TPO: variants seen among roughly 807,000 people sequenced by gnomAD.
TPO encodes thyroid peroxidase.
A neutral mutation model predicts 96.9 loss-of-function variants in TPO; 78 were observed. The ratio of observed to expected loss-of-function variants is 0.81; its 90% CI spans 0.67 to 0.97. The LOEUF is 0.97. Among genes scored for constraint, TPO ranks in the 50% least tolerant of loss-of-function variants. The pLI, the probability that TPO is intolerant of heterozygous loss-of-function variation, is 0.00. For synonymous variants in TPO, 547 were observed against 538.0 expected (o/e 1.02, Z -0.23); for missense variants, 1,252 against 1,274.8 (o/e 0.98, Z 0.27).
In TPO at chr2:1,413,516, C is replaced by T; in HGVS notation, c.-31C>T. On this transcript the variant is annotated 5_prime_UTR_variant, in exon 1 of 17. Coordinates refer to ENST00000329066, the MANE Select transcript of TPO (RefSeq NM_001206744.2). The stretch of plus-strand genomic sequence containing the variant: ...AGTTACAGCCGTGAAAATTACTCAG[C>T]AGTGCAGTTGGCTGAGAAGAGGAAA... 4.3e-6 allele frequency: 1 copy of T among 234,968 alleles called. No homozygotes were observed. The highest frequency in any genetic ancestry group is 6.9e-6 in the Non-Finnish European group (1 of 143,918). 14.6% of individuals were successfully genotyped at this position (234,968 alleles called of 1,614,324 possible). A position where few individuals can be genotyped will look rare whatever the true frequency, so the allele number is the denominator to read the frequency against.
At chr2:1,433,742 G>C in intron 4 of TPO, 135 bp downstream of exon 4, 1 of 1,010,316 alleles carries the variant, frequency 9.9e-7, no homozygotes. Flanking sequence ...CTCTTTCAAA[G>C]CATACAAGCT....
intron 1 of TPO, among the ~76,000 whole-genome samples, chr2:1,399,488 A>G (rs930728350): frequency 2.6e-5 from 4 of 152,244 alleles, no homozygotes; most frequent in Non-Finnish European, 5.9e-5. Context: ...TAAGAGATCC[A>G]CCATAACTGA....
intron 15 of TPO, among the ~76,000 whole-genome samples, chr2:1,537,811 TCCCCCCACTGTGAGCAACCTCCTCAA>T (rs1680178063): frequency 2.3e-5 from 1 of 43,022 alleles, no homozygotes; most frequent in African/African-American, 1.0e-4. Flanking sequence ...TGTCCCCAAA[TCCCCCCACTGTGAGCAACCTCCTCAA>T]ATCCCCCCAC....
chr2:1,454,110 A>G (rs927064919), intron 6 of TPO, among the ~76,000 whole-genome samples: 1 of 152,190 alleles, frequency 6.6e-6, no homozygotes, highest in Non-Finnish European at 1.5e-5. Flanking sequence ...GTTTTCAGAT[A>G]AATTCCTTTA....
At chr2:1,386,611 A>G (rs532360893) in intron 1 of TPO, among the ~76,000 whole-genome samples, 2 of 152,070 alleles carry the variant, frequency 1.3e-5, no homozygotes, top group African/African-American at 4.8e-5. Flanking sequence ...GTGTCTCTGC[A>G]TGTGAGATGG....
chr2:1,464,183 T>A (rs991482402), intron 7 of TPO, among the ~76,000 whole-genome samples: 1 of 152,248 alleles, frequency 6.6e-6, no homozygotes, highest in Non-Finnish European at 1.5e-5. Context: ...TCACTTAGAA[T>A]AATAGTCTCC....
intron 15 of TPO, among the ~76,000 whole-genome samples, chr2:1,519,873 T>C (rs1675074022): frequency 6.6e-6 from 1 of 152,198 alleles, no homozygotes; most frequent in Non-Finnish European, 1.5e-5. Context: ...AATAGCAATT[T>C]TCTTTAAGAT....
chr2:1,387,046 C>G (rs1442286092), intron 1 of TPO, among the ~76,000 whole-genome samples: 3 of 152,190 alleles, frequency 2.0e-5, no homozygotes, highest in African/African-American at 7.2e-5. Flanking sequence ...GGCCCCCACT[C>G]TCTTCTGGCT....
chr2:1,539,711 G>A (rs376038331), intron 15 of TPO, among the ~76,000 whole-genome samples: 12 of 152,102 alleles, frequency 7.9e-5, no homozygotes, highest in East Asian at 1.9e-4. Context: ...TAACGTTGCC[G>A]CGTTGACACA....
At chr2:1,460,181 C>T (rs1475152281) in intron 7 of TPO, among the ~76,000 whole-genome samples, 1 of 152,066 alleles carries the variant, frequency 6.6e-6, no homozygotes, top group Non-Finnish European at 1.5e-5. Flanking sequence ...AGTGATCTGC[C>T]CACCTTGGCA....
chr2:1,440,693 G>A (rs747206596), intron 5 of TPO, among the ~76,000 whole-genome samples: 15 of 152,250 alleles, frequency 9.9e-5, no homozygotes, highest in Non-Finnish European at 1.9e-4. Context: ...CAGTGCCGCA[G>A]GAGGCACTAT....
chr2:1,421,186 G>A (rs140019605), intron 2 of TPO, among the ~76,000 whole-genome samples: 228 of 152,230 alleles, frequency 1.5e-3, no homozygotes, highest in Non-Finnish European at 2.7e-3. Context: ...CAAAAGGCAC[G>A]ACGGCCGGGA....
intron 15 of TPO, 101 bp downstream of exon 15, chr2:1,517,083 A>G (rs1205304120): frequency 2.8e-5 from 34 of 1,221,192 alleles, no homozygotes; most frequent in Non-Finnish European, 3.7e-5. Context: ...AAGCTAACAC[A>G]GGTTACTGGT....
At chr2:1,483,571 C>T (rs1360366120) in intron 8 of TPO, among the ~76,000 whole-genome samples, 2 of 152,210 alleles carry the variant, frequency 1.3e-5, no homozygotes, top group East Asian at 1.9e-4. Flanking sequence ...ATAAATTGCA[C>T]CTGAGGTGGA....
intron 8 of TPO, among the ~76,000 whole-genome samples, chr2:1,479,256 G>A (rs11678545): frequency 6.6e-6 from 1 of 152,146 alleles, no homozygotes; most frequent in Non-Finnish European, 1.5e-5. Flanking sequence ...GGCCTTCGGC[G>A]CTCCTGTCTG....
At chr2:1,432,857 C>G (rs1461148222) in intron 3 of TPO, among the ~76,000 whole-genome samples, 3 of 150,916 alleles carry the variant, frequency 2.0e-5, no homozygotes, top group Middle Eastern at 3.4e-3. Context: ...AGGGGAGGCC[C>G]CAGATGAGGA....
intron 10 of TPO, among the ~76,000 whole-genome samples, chr2:1,489,185 C>T (rs1353791893): frequency 1.3e-5 from 2 of 149,972 alleles, no homozygotes; most frequent in African/African-American, 4.9e-5. Context: ...CACGCCTGCA[C>T]ATACCCATCA....
intron 15 of TPO, among the ~76,000 whole-genome samples, chr2:1,537,716 C>A: frequency 9.0e-6 from 1 of 111,378 alleles, no homozygotes; most frequent in South Asian, 3.5e-4. Context: ...CTGTGAGCGA[C>A]CTCCCCAAAT....
intron 15 of TPO, among the ~76,000 whole-genome samples, chr2:1,528,743 C>CCCCACACTGTGTGCAACCTCCCCAAATA (rs1677236499): frequency 8.6e-6 from 1 of 116,214 alleles, no homozygotes; most frequent in Non-Finnish European, 1.7e-5. Flanking sequence ...CTCCCCAAAT[C>CCCCACACTGTGTGCAACCTCCCCAAATA]CCCCACACTG....
Sources: gnomAD v4.1 joint callset for allele counts (sites outside exome capture counted in the v4.1 genomes callset) on GRCh38, gnomAD v4.1.1 for gene constraint, MANE v1.5 for transcripts, NCBI Gene and HGNC (gene_info 2026-07-23, HGNC 2026-07-21) for gene names.